Variants in IFTAP observed in about 807,000 individuals in gnomAD.
IFTAP encodes intraflagellar transport associated protein.
IFTAP carries 19 observed loss-of-function variants against 19.4 expected under a neutral mutation model. The observed-to-expected ratio is 0.98, with a 90% CI of 0.68 to 1.44. The LOEUF is 1.44. Among genes scored for constraint, IFTAP ranks in the 40% most tolerant of loss-of-function variants. The pLI is 0.00. For synonymous variants in IFTAP, 85 were observed against 83.5 expected (o/e 1.02, Z -0.10); for missense variants, 240 against 253.6 (o/e 0.95, Z 0.36).
At chr11:36,623,474 T>C (rs538132461) in intron 2 of IFTAP, among the ~76,000 whole-genome samples, 1 of 152,242 alleles carries the variant, frequency 6.6e-6, no homozygotes, top group African/African-American at 2.4e-5. Context: ...GATGATGGGT[T>C]ATAGGAATAA....
At chr11:36,613,765 C>T (rs1851957096) in intron 2 of IFTAP, among the ~76,000 whole-genome samples, 1 of 152,052 alleles carries the variant, frequency 6.6e-6, no homozygotes. Flanking sequence ...GTTAAAATGC[C>T]TCCATTGGTG....
At chr11:36,651,729 G>A (rs1375521072) in intron 5 of IFTAP, among the ~76,000 whole-genome samples, 1 of 151,984 alleles carries the variant, frequency 6.6e-6, no homozygotes, top group Admixed American at 6.6e-5. Flanking sequence ...TAATTTTTGA[G>A]TAAGGTGTAA....
chr11:36,610,313 T>C, intron 2 of IFTAP, 74 bp downstream of exon 2: 1 of 1,358,632 alleles, frequency 7.4e-7, no homozygotes, highest in East Asian at 2.4e-5. Context: ...TTTTGCTGCC[T>C]CTTGAGAAAG....
At chr11:36,649,865 G>A (rs546614881) in intron 5 of IFTAP, among the ~76,000 whole-genome samples, 78 of 152,106 alleles carry the variant, frequency 5.1e-4, no homozygotes, top group Admixed American at 3.1e-3. Context: ...TTTCACAACC[G>A]TCTAGAATCA....
chr11:36,607,859 G>A (rs1016572928), intron 1 of IFTAP, among the ~76,000 whole-genome samples: 1 of 152,096 alleles, frequency 6.6e-6, no homozygotes, highest in African/African-American at 2.4e-5. Flanking sequence ...TTTTAGTGGA[G>A]ACAGGGTTTC....
chr11:36,634,453 T>C (rs1852858271), intron 3 of IFTAP, among the ~76,000 whole-genome samples: 1 of 152,126 alleles, frequency 6.6e-6, no homozygotes, highest in East Asian at 1.9e-4. Context: ...ACCTATTCCC[T>C]GACCTCCGCT....
intron 1 of IFTAP, among the ~76,000 whole-genome samples, chr11:36,602,760 G>A (rs1851554161): frequency 6.6e-6 from 1 of 151,964 alleles, no homozygotes; most frequent in Admixed American, 6.6e-5. Context: ...GTCAGTTAGC[G>A]TGCTTATAGG....
At chr11:36,603,606 A>G (rs1273644278) in intron 1 of IFTAP, among the ~76,000 whole-genome samples, 1 of 152,208 alleles carries the variant, frequency 6.6e-6, no homozygotes, top group Non-Finnish European at 1.5e-5. Flanking sequence ...TTGCTATTAC[A>G]GAAACAGAGT....
In IFTAP at chr11:36,609,931, T is replaced by C. The variant is rs531775911; in HGVS notation, c.-23-150T>C. ...TCAGCAGCAAAGATATGAATAAAAC[T>C]CTGGTCTCTTGAACTAGAGGTCACT... On this transcript the variant is annotated intron_variant, in intron 1 of 5. Transcript: ENST00000334307. 1.7e-4 allele frequency: 106 copies of C among 625,024 alleles called. 2 individuals are homozygous for C. In the Middle Eastern group the frequency reaches 2.8e-3, roughly 17 times the overall value. 38.7% of individuals were successfully genotyped at this position (625,024 alleles called of 1,614,324 possible).
At chr11:36,596,186 C>T (rs867293336) in intron 1 of IFTAP, among the ~76,000 whole-genome samples, 17 of 143,922 alleles carry the variant, frequency 1.2e-4, no homozygotes, top group Middle Eastern at 3.8e-3. Flanking sequence ...TTTAGAATCT[C>T]TGGTCACTCT....
At chr11:36,631,608 T>C (rs2133448470) in intron 2 of IFTAP, among the ~76,000 whole-genome samples, 1 of 151,266 alleles carries the variant, frequency 6.6e-6, no homozygotes, top group South Asian at 2.1e-4. Context: ...ACATGGGCAC[T>C]GTGCTGGGTT....
At chr11:36,641,906 T>C (rs1853221044) in intron 4 of IFTAP, among the ~76,000 whole-genome samples, 1 of 152,118 alleles carries the variant, frequency 6.6e-6, no homozygotes, top group Non-Finnish European at 1.5e-5. Context: ...TGTGTGGGAG[T>C]CTAAGTCTCT....
chr11:36,639,565 C>T (rs1455784657), intron 4 of IFTAP, among the ~76,000 whole-genome samples: 2 of 152,086 alleles, frequency 1.3e-5, no homozygotes, highest in Non-Finnish European at 2.9e-5. Context: ...CAAAGGGGAA[C>T]CACATGTGCA....
chr11:36,611,490 C>T (rs1851873661), intron 2 of IFTAP, among the ~76,000 whole-genome samples: 1 of 152,028 alleles, frequency 6.6e-6, no homozygotes, highest in South Asian at 2.1e-4. Context: ...TACCTGACTT[C>T]ATGATTTGAG....
intron 1 of IFTAP, chr11:36,595,127 C>T (rs566893568): frequency 8.5e-5 from 13 of 152,240 alleles, no homozygotes; most frequent in African/African-American, 3.1e-4. Context: ...ACTGTTTTTA[C>T]TCCTGTTTTT....
intron 1 of IFTAP, among the ~76,000 whole-genome samples, chr11:36,603,898 G>C (rs1851596565): frequency 6.6e-6 from 1 of 151,182 alleles, no homozygotes. Flanking sequence ...CTCGAGCCTG[G>C]GTGACAAGAG....
chr11:36,649,335 AG>A (rs763228109), intron 5 of IFTAP, among the ~76,000 whole-genome samples: 2 of 152,160 alleles, frequency 1.3e-5, no homozygotes, highest in Non-Finnish European at 2.9e-5. Context: ...CTAAACTGGT[AG>A]GGACAGCCAC....
chr11:36,625,783 G>A (rs1237099985), intron 2 of IFTAP, among the ~76,000 whole-genome samples: 1 of 152,160 alleles, frequency 6.6e-6, no homozygotes, highest in Non-Finnish European at 1.5e-5. Flanking sequence ...ACAGTATAGG[G>A]AATCATGAGT....
rs149724483 is a variant in IFTAP at position 36,609,489 on chromosome 11, A to C, written c.-23-592A>C. Among the ~76,000 whole-genome samples, 352 of 152,262 alleles carry C rather than the reference A, an allele frequency of 2.3e-3. 3 individuals carry two copies. Among genetic ancestry groups the C allele is most frequent in the African/African-American group, 7.9e-3 (327 of 41,558 alleles). On this transcript the variant is annotated intron_variant, in intron 1 of 5. Transcript: ENST00000334307. ...TACCAGTCCCTGGATGTGTTGATGC[A>C]AAGGCAAGTCAACTGTTTGTCAGTG...
Sources: gnomAD v4.1 joint callset for allele counts (sites outside exome capture counted in the v4.1 genomes callset) on GRCh38, gnomAD v4.1.1 for gene constraint, MANE v1.5 for transcripts, NCBI Gene and HGNC (gene_info 2026-07-23, HGNC 2026-07-21) for gene names.